PCDH9: variants seen among roughly 807,000 people sequenced by gnomAD.
PCDH9 encodes the protein protocadherin 9, also known as protocadherin-9.
PCDH9 carries 24 observed loss-of-function variants against 70.6 expected under a neutral mutation model. The observed-to-expected ratio is 0.34, with a 90% CI of 0.25 to 0.48. The LOEUF (loss-of-function observed/expected upper bound fraction) is 0.48. PCDH9 is among the 20% of genes least tolerant of loss of function. PCDH9 has a pLI of 0.99. For missense variants in PCDH9, 1,281 were observed against 1,503.6 expected, an observed-to-expected ratio of 0.85 and a Z score of 2.45; for synonymous variants, 562 against 558.5, an observed-to-expected ratio of 1.01 and a Z score of -0.09.
At chr13:66,599,639 C>T (rs2138840951) in intron 4 of PCDH9, among the ~76,000 whole-genome samples, 1 of 151,698 alleles carries the variant, frequency 6.6e-6, no homozygotes, top group South Asian at 2.1e-4. Flanking sequence ...CTTGACCTCC[C>T]AGGCTCAGGT....
chr13:67,184,740 CAACA>C (rs909403644), intron 2 of PCDH9, among the ~76,000 whole-genome samples: 4 of 151,948 alleles, frequency 2.6e-5, no homozygotes, highest in African/African-American at 9.7e-5. Flanking sequence ...AAAAACCAAC[CAACA>C]AACAAATAAA....
intron 4 of PCDH9, among the ~76,000 whole-genome samples, chr13:66,405,464 G>A (rs572674346): frequency 1.3e-5 from 2 of 152,190 alleles, no homozygotes; most frequent in African/African-American, 2.4e-5. Context: ...TATGGGCACC[G>A]ACCAAAGGAT....
In PCDH9 at chr13:66,501,669, A is replaced by T. The variant is rs192176487; in HGVS notation, c.3340+129541T>A. Among the ~76,000 whole-genome samples, 293 of 152,168 alleles carry T rather than the reference A, an allele frequency of 1.9e-3. 1 individual carries two copies. Among genetic ancestry groups the T allele is most frequent in the African/African-American group, 6.6e-3 (276 of 41,524 alleles). On this transcript the variant is annotated intron_variant, in intron 4 of 4. Coordinates refer to ENST00000377865, the MANE Select transcript of PCDH9 (RefSeq NM_203487.3). ...TACCAGTAAATTCTACAGGTATATT[A>T]AAAAAATTAAGATAATGAGATATCA...
chr13:66,510,543 A>T lies in PCDH9; in HGVS notation c.3340+120667T>A, dbSNP rs189455307. 5.9e-5 allele frequency among the ~76,000 whole-genome samples: 9 copies of T among 152,104 alleles called. No individual in the cohort carries two copies. The East Asian group carries it at 1.7e-3, about 29-fold the overall frequency. On this transcript the variant is annotated intron_variant, in intron 4 of 4. Transcript: ENST00000377865. ...ACCCCACAACAGGCCCTGGTGTGTG[A>T]TGTCCCCCTTCCTGTGTCCAGGTGT...
At chr13:66,559,530 G>A (rs1196383231) in intron 4 of PCDH9, among the ~76,000 whole-genome samples, 1 of 152,028 alleles carries the variant, frequency 6.6e-6, no homozygotes, top group Non-Finnish European at 1.5e-5. Context: ...GCCGGGCACA[G>A]TGGCTCACGC....
intron 4 of PCDH9, among the ~76,000 whole-genome samples, chr13:66,603,525 G>A (rs902400575): frequency 1.6e-4 from 24 of 152,058 alleles, no homozygotes; most frequent in African/African-American, 5.5e-4. Flanking sequence ...TTCATAGAAT[G>A]TATGACTGAG....
intron 3 of PCDH9, among the ~76,000 whole-genome samples, chr13:66,658,370 G>A (rs992380225): frequency 4.6e-5 from 7 of 152,014 alleles, no homozygotes; most frequent in Non-Finnish European, 1.0e-4. Flanking sequence ...GATTATTTAT[G>A]TGTCTGTTCC....
intron 3 of PCDH9, among the ~76,000 whole-genome samples, chr13:66,645,583 G>A (rs1015354345): frequency 3.3e-5 from 5 of 152,014 alleles, no homozygotes; most frequent in African/African-American, 1.2e-4. Flanking sequence ...TGAAAACGTG[G>A]AAAATGCCTG....
chr13:66,425,081 A>G (rs1957645670), intron 4 of PCDH9, among the ~76,000 whole-genome samples: 1 of 152,004 alleles, frequency 6.6e-6, no homozygotes, highest in Non-Finnish European at 1.5e-5. Flanking sequence ...ACTTGAATGA[A>G]AAATGGAAAA....
intron 2 of PCDH9, among the ~76,000 whole-genome samples, chr13:67,058,078 G>A (rs1353348981): frequency 3.9e-5 from 6 of 151,950 alleles, no homozygotes; most frequent in African/African-American, 7.3e-5. Context: ...GTTCTTATAC[G>A]TTATATTATC....
intron 3 of PCDH9, among the ~76,000 whole-genome samples, chr13:66,678,523 A>G (rs1345420110): frequency 2.0e-5 from 3 of 152,056 alleles, no homozygotes; most frequent in African/African-American, 7.2e-5. Flanking sequence ...TATCTTATAC[A>G]ATACCTATTT....
chr13:67,132,870 C>T (rs2087140357), intron 2 of PCDH9, among the ~76,000 whole-genome samples: 1 of 152,080 alleles, frequency 6.6e-6, no homozygotes, highest in Non-Finnish European at 1.5e-5. Context: ...CTCTTACGTT[C>T]CTCCAAGCCC....
At chr13:66,574,307 C>T (rs2076780777) in intron 4 of PCDH9, among the ~76,000 whole-genome samples, 2 of 152,146 alleles carry the variant, frequency 1.3e-5, no homozygotes, top group Admixed American at 1.3e-4. Context: ...ATCTGTTTTG[C>T]CTCCCTGCTT....
intron 3 of PCDH9, among the ~76,000 whole-genome samples, chr13:66,876,173 A>T (rs1804551431): frequency 6.6e-6 from 1 of 152,204 alleles, no homozygotes; most frequent in South Asian, 2.1e-4. Context: ...ATAACTTACT[A>T]AAACCAATAG....
intron 4 of PCDH9, among the ~76,000 whole-genome samples, chr13:66,625,168 T>C (rs1453372251): frequency 6.6e-6 from 1 of 152,196 alleles, no homozygotes; most frequent in Non-Finnish European, 1.5e-5. Flanking sequence ...ACAATTCTAT[T>C]ATTATTTCTA....
intron 3 of PCDH9, among the ~76,000 whole-genome samples, chr13:66,744,720 A>C (rs114026100): frequency 0.011 from 1,676 of 152,264 alleles, 30 homozygotes; most frequent in African/African-American, 0.038. Context: ...TGAATATGTT[A>C]TTCTTTCAAG....
chr13:66,872,579 T>TC (rs2081715111), intron 3 of PCDH9, among the ~76,000 whole-genome samples: 1 of 152,116 alleles, frequency 6.6e-6, no homozygotes, highest in African/African-American at 2.4e-5. Context: ...TAAAGGCTTT[T>TC]TTTACAATAA....
intron 2 of PCDH9, among the ~76,000 whole-genome samples, chr13:66,959,746 G>A (rs1235128134): frequency 1.2e-4 from 13 of 112,352 alleles, no homozygotes; most frequent in Admixed American, 6.1e-4. Flanking sequence ...GTGAGACCCC[G>A]TCTCAAAAAA....
chr13:66,919,148 G>A (rs2082601648), intron 2 of PCDH9, among the ~76,000 whole-genome samples: 1 of 151,072 alleles, frequency 6.6e-6, no homozygotes. Flanking sequence ...GTATTTCTCT[G>A]GGGAACTTCA....
Sources: gnomAD v4.1 joint callset for allele counts (sites outside exome capture counted in the v4.1 genomes callset) on GRCh38, gnomAD v4.1.1 for gene constraint, MANE v1.5 for transcripts, NCBI Gene and HGNC (gene_info 2026-07-23, HGNC 2026-07-21) for gene names.